Variants in WDR19 observed in about 807,000 individuals in gnomAD.
WDR19 encodes WD repeat domain 19.
In WDR19, 121 loss-of-function variants were observed where a neutral mutation model predicts 180.0. The ratio of observed to expected loss-of-function variants is 0.67; its 90% CI spans 0.58 to 0.78. The LOEUF (loss-of-function observed/expected upper bound fraction) is 0.78, where lower values mean the gene tolerates loss of function less well. Ranked by LOEUF, WDR19 falls within the 30% of genes least tolerant of loss-of-function variation. The pLI is 0.00. For missense variants in WDR19, 1,450 were observed against 1,640.7 expected (o/e 0.88, Z 2.01); for synonymous variants, 497 against 540.7 (o/e 0.92, Z 1.12).
chr4:39,280,923 CT>C (rs1736434177), intron 36 of WDR19, among the ~76,000 whole-genome samples: 2 of 152,036 alleles, frequency 1.3e-5, no homozygotes, highest in Admixed American at 1.3e-4. Context: ...AGGGATGCAG[CT>C]TCCTTCTTTT....
intron 8 of WDR19, 79 bp from the exon 9 acceptor site, chr4:39,205,484 T>G: frequency 6.9e-7 from 1 of 1,451,150 alleles, no homozygotes; most frequent in South Asian, 1.4e-5. Context: ...TCCTTAATTT[T>G]AAGGTACTTG....
chr4:39,275,327 G>A (rs1735792274), intron 33 of WDR19: 3 of 221,410 alleles, frequency 1.4e-5, no homozygotes, highest in Non-Finnish European at 2.7e-5. Context: ...GCAACAGAGT[G>A]AGACCCCATC....
chr4:39,221,520 A>G (rs934160765), intron 14 of WDR19, among the ~76,000 whole-genome samples: 2 of 152,222 alleles, frequency 1.3e-5, no homozygotes, highest in Admixed American at 1.3e-4. Flanking sequence ...TATTAAAGTT[A>G]TACAATTTGG....
At chr4:39,248,109 T>C (rs373865512) in intron 24 of WDR19, among the ~76,000 whole-genome samples, 4 of 152,178 alleles carry the variant, frequency 2.6e-5, no homozygotes, top group Non-Finnish European at 4.4e-5. Flanking sequence ...AGAGAAAGGT[T>C]GGGTTACCCA....
At position 39,285,509 on chromosome 4, in the gene WDR19, G is replaced by GC. The variant is rs1737108363; in HGVS notation, c.*37dup. 6.6e-6 allele frequency: 1 copy of GC among 152,312 alleles called. No homozygotes were observed. Among genetic ancestry groups the GC allele is most frequent in the African/African-American group, 2.4e-5 (1 of 41,568 alleles). 9.4% of individuals were successfully genotyped at this position (152,312 alleles called of 1,614,324 possible). A position where few individuals can be genotyped will look rare whatever the true frequency, so the allele number is the denominator to read the frequency against. On this transcript the variant is annotated 3_prime_UTR_variant, in exon 37 of 37. Coordinates refer to ENST00000399820, the MANE Select transcript of WDR19 (RefSeq NM_025132.4). ...TAGATACAATGCTCCTGAGAAGACA[G>GC]CATTTTCCACAGGAGGCTGTTTCCT...
intron 5 of WDR19, among the ~76,000 whole-genome samples, chr4:39,198,517 C>T (rs1022117549): frequency 4.0e-5 from 6 of 151,764 alleles, no homozygotes; most frequent in Admixed American, 2.6e-4. Flanking sequence ...GCCAAGATCG[C>T]GCCGCTGCAC....
chr4:39,276,548 C>T (rs566043260), intron 33 of WDR19, among the ~76,000 whole-genome samples: 9 of 152,258 alleles, frequency 5.9e-5, no homozygotes, highest in Non-Finnish European at 1.0e-4. Flanking sequence ...TCGCACTACC[C>T]GTATTTCAAG....
intron 28 of WDR19, among the ~76,000 whole-genome samples, chr4:39,261,132 CCA>C (rs1734248431): frequency 6.8e-6 from 1 of 148,030 alleles, no homozygotes; most frequent in Admixed American, 7.0e-5. Flanking sequence ...TTGCCCACCA[CCA>C]CACGCGGCTA....
At chr4:39,269,144 A>G (rs955886845) in intron 30 of WDR19, among the ~76,000 whole-genome samples, 11 of 151,956 alleles carry the variant, frequency 7.2e-5, no homozygotes, top group African/African-American at 2.4e-4. Flanking sequence ...GGGAGGGAAA[A>G]TCAGGCCAGA....
chr4:39,283,992 A>G (rs1736860482), intron 36 of WDR19, among the ~76,000 whole-genome samples: 2 of 152,306 alleles, frequency 1.3e-5, no homozygotes, highest in East Asian at 3.9e-4. Context: ...TTCTGGCTAC[A>G]TTCAAGGAAT....
At chr4:39,277,512 G>A (rs761211272) in intron 34 of WDR19, among the ~76,000 whole-genome samples, 4 of 152,138 alleles carry the variant, frequency 2.6e-5, no homozygotes, top group Non-Finnish European at 4.4e-5. Context: ...ATAATATTGA[G>A]ACCTAGTATC....
chr4:39,189,648 T>A lies in WDR19; in HGVS notation c.165-8T>A. 6.3e-7 allele frequency: 1 copy of A among 1,579,118 alleles called. No homozygotes were observed. On this transcript the variant is annotated splice_region_variant and splice_polypyrimidine_tract_variant and intron_variant, in intron 3 of 36. Transcript: ENST00000399820. The stretch of plus-strand genomic sequence containing the variant: ...TGTATAGTGGTATTTTGCTCTCTTT[T>A]TTAAAAGTAACTGTGTTGCCATGGA...
intron 14 of WDR19, among the ~76,000 whole-genome samples, chr4:39,221,418 C>T (rs1436611567): frequency 6.6e-6 from 1 of 152,188 alleles, no homozygotes; most frequent in Admixed American, 6.5e-5. Context: ...CATAAAGCAG[C>T]AACTATCCTG....
At chr4:39,275,250 G>T in intron 33 of WDR19, 1 of 365,490 alleles carries the variant, frequency 2.7e-6, no homozygotes, top group South Asian at 2.3e-5. Flanking sequence ...TGGGGCAGGA[G>T]AATTGCTTGA....
chr4:39,255,360 T>G (rs1733646507), intron 26 of WDR19, among the ~76,000 whole-genome samples: 1 of 152,170 alleles, frequency 6.6e-6, no homozygotes, highest in Admixed American at 6.5e-5. Flanking sequence ...TATACTTTAG[T>G]ATTCTATTGG....
intron 19 of WDR19, among the ~76,000 whole-genome samples, chr4:39,233,198 G>T (rs968283794): frequency 2.0e-5 from 3 of 152,298 alleles, no homozygotes; most frequent in Middle Eastern, 3.4e-3. Flanking sequence ...CTAAGGACTA[G>T]TGTACCATCA....
intron 36 of WDR19, among the ~76,000 whole-genome samples, chr4:39,280,774 C>T (rs566588067): frequency 1.1e-4 from 16 of 152,266 alleles, no homozygotes; most frequent in South Asian, 8.3e-4. Context: ...GGCAACATAG[C>T]GAGATCCCAT....
chr4:39,202,901 G>A (rs1445640061), intron 6 of WDR19, among the ~76,000 whole-genome samples: 1 of 151,892 alleles, frequency 6.6e-6, no homozygotes, highest in African/African-American at 2.4e-5. Context: ...AAGTTTATGT[G>A]TGGAAATTTT....
intron 4 of WDR19, among the ~76,000 whole-genome samples, chr4:39,190,091 G>A (rs569923976): frequency 6.6e-6 from 1 of 152,350 alleles, no homozygotes; most frequent in African/African-American, 2.4e-5. Context: ...TTATAATGGT[G>A]CAATCAAGAC....
Sources: gnomAD v4.1 joint callset for allele counts (sites outside exome capture counted in the v4.1 genomes callset) on GRCh38, gnomAD v4.1.1 for gene constraint, MANE v1.5 for transcripts, NCBI Gene and HGNC (gene_info 2026-07-23, HGNC 2026-07-21) for gene names.